XYLT2: variants seen among roughly 807,000 people sequenced by gnomAD.
The protein encoded by XYLT2 is xylosyltransferase 2, also known as UDP-D-xylose:proteoglycan core protein beta-D-xylosyltransferase.
XYLT2 carries 37 observed loss-of-function variants against 82.6 expected under a neutral mutation model. The observed-to-expected ratio is 0.45, with a 90% CI of 0.34 to 0.59. The LOEUF is 0.59. Among genes scored for constraint, XYLT2 ranks in the 20% least tolerant of loss-of-function variants. XYLT2 has a pLI of 0.01. For missense variants in XYLT2, 934 were observed against 1,181.3 expected (o/e 0.79, Z 3.07); for synonymous variants, 474 against 499.0 (o/e 0.95, Z 0.67).
intron 7 of XYLT2, 62 bp from the exon 8 acceptor site, chr17:50,356,449 A>G: frequency 6.3e-7 from 1 of 1,587,166 alleles, no homozygotes; most frequent in Non-Finnish European, 8.6e-7. Flanking sequence ...CTGAGGGGCC[A>G]GCCCCACCAT....
chr17:50,354,418 C>A lies in XYLT2; in HGVS notation c.639C>A (p.Ser213Arg), dbSNP rs1335304584. The change falls in exon 3 of 11, where the codon AGC (serine) becomes AGA (arginine). Residue 213 changes from serine (S) to arginine (R), a missense_variant. By Grantham distance (110) the Ser-to-Arg change is moderately radical. Coordinates refer to ENST00000017003, the MANE Select transcript of XYLT2 (RefSeq NM_022167.4). ...GTCCTCTGCTCTCAGGGAAGATGAG[C>A]CCCGGCATCCAGTGGGATGAGAGCC... ...PRHCQLTGKM[S>R]PGIQWDESQA... 1 of 1,607,408 alleles carries A rather than the reference C, an allele frequency of 6.2e-7. No homozygotes were observed. The highest frequency in any genetic ancestry group is 8.5e-7 in the Non-Finnish European group (1 of 1,177,204).
chr17:50,352,895 G>A (rs767728693), intron 1 of XYLT2, among the ~76,000 whole-genome samples: 5 of 152,130 alleles, frequency 3.3e-5, no homozygotes, highest in Non-Finnish European at 4.4e-5. Flanking sequence ...CCCAGGAGCC[G>A]GCCAGGACTT....
At position 50,358,404 on chromosome 17, in the gene XYLT2, A is replaced by G. The variant is rs1230845149; in HGVS notation, c.2139A>G (p.Gln713=). The change falls in exon 10 of 11, where the codon CAA becomes CAG. Residue 713 remains glutamine, a synonymous_variant. Coordinates refer to ENST00000017003, the MANE Select transcript of XYLT2 (RefSeq NM_022167.4). ...TAGATACGGAGACTGAGGTCACGCA[A>G]TACAAGCCCCCACTGAGCCGGCCCC... ...ITVDTETEVT[Q]YKPPLSRPLR... is the part of the protein sequence containing the mutation. 1 of 1,614,116 alleles carries G rather than the reference A, an allele frequency of 6.2e-7. No homozygotes were observed. The highest frequency in any genetic ancestry group is 8.5e-7 in the Non-Finnish European group (1 of 1,180,036).
intron 10 of XYLT2, chr17:50,359,082 C>T (rs1912684850): frequency 6.5e-6 from 1 of 154,552 alleles, no homozygotes; most frequent in Non-Finnish European, 1.4e-5. Context: ...TCCATGGCCT[C>T]TCAGTGCAAC....
chr17:50,360,947 T>C lies in XYLT2; in HGVS notation c.*656T>C. 1 of 985,898 alleles carries C rather than the reference T, an allele frequency of 1.0e-6. No individual in the cohort carries two copies. Among genetic ancestry groups the C allele is most frequent in the Non-Finnish European group, 1.2e-6 (1 of 830,008 alleles). The allele number at this position is 985,898 out of a possible 1,614,324, so 61.1% of individuals were successfully genotyped here. A position where few individuals can be genotyped will look rare whatever the true frequency, so the allele number is the denominator to read the frequency against. On this transcript the variant is annotated 3_prime_UTR_variant, in exon 11 of 11. Coordinates refer to ENST00000017003, the MANE Select transcript of XYLT2 (RefSeq NM_022167.4). ...GGGGCGGCTCCAGGGCTTTCCAGCA[T>C]ACCCTGCCCCTGGATGGGAAAGGCA... is the stretch of plus-strand genomic sequence containing the variant.
At chr17:50,350,934 G>A (rs576866950) in intron 1 of XYLT2, among the ~76,000 whole-genome samples, 10 of 152,116 alleles carry the variant, frequency 6.6e-5, no homozygotes, top group South Asian at 2.1e-4. Flanking sequence ...GGAGTGCCAG[G>A]GGGGATGAGG....
chr17:50,356,355 G>A (rs1340399962), intron 7 of XYLT2, 94 bp downstream of exon 7: 2 of 1,558,306 alleles, frequency 1.3e-6, no homozygotes, highest in Non-Finnish European at 1.7e-6. Flanking sequence ...AGAATCTGGG[G>A]GGCCACGGCC....
Position 50,360,389 on chromosome 17 carries a change from C to A in XYLT2, c.*98C>A. The A allele has an allele frequency of 6.9e-7, 1 of 1,442,384 alleles. No individual in the cohort carries two copies. Among genetic ancestry groups the A allele is most frequent in the South Asian group, 1.5e-5 (1 of 67,808 alleles). 89.3% of individuals were successfully genotyped at this position (1,442,384 alleles called of 1,614,324 possible). ...CACAGGCAAGAACCAGAGGCCCAGGCTGCACACCCATTTCAGCCATCAAGA... is the reference window on the plus strand; with the variant it reads ...CACAGGCAAGAACCAGAGGCCCAGGATGCACACCCATTTCAGCCATCAAGA... On this transcript the variant is annotated 3_prime_UTR_variant, in exon 11 of 11. Coordinates refer to ENST00000017003, the MANE Select transcript of XYLT2 (RefSeq NM_022167.4).
rs1912459114 is a variant in XYLT2, at chr17:50,355,033, C to T, written c.984C>T (p.Leu328=). The change falls in exon 4 of 11, where the codon CTC becomes CTT. Residue 328 remains leucine (L), a synonymous_variant. Coordinates refer to ENST00000017003, the MANE Select transcript of XYLT2 (RefSeq NM_022167.4). ...PGWAWDFFIN[L]SATDYPTRTN... ...GGGCCTGGGACTTCTTCATCAACCTCAGTGCCACTGACTATCCAACCAGGT... is the reference window on the plus strand; with the variant it reads ...GGGCCTGGGACTTCTTCATCAACCTTAGTGCCACTGACTATCCAACCAGGT... 1.9e-6 allele frequency: 3 copies of T among 1,538,614 alleles called. No individual in the cohort carries two copies. The South Asian group carries it at 3.8e-5, about 20-fold the overall frequency.
intron 7 of XYLT2, 124 bp from the exon 8 acceptor site, chr17:50,356,387 G>A: frequency 6.5e-7 from 1 of 1,547,500 alleles, no homozygotes; most frequent in Non-Finnish European, 8.8e-7. Flanking sequence ...TCAGGGGTCT[G>A]GGGCTACAAC....
At chr17:50,359,925 G>GTC in intron 10 of XYLT2, 44 bp from the exon 11 acceptor site, 1 of 1,498,484 alleles carries the variant, frequency 6.7e-7, no homozygotes, top group Non-Finnish European at 9.0e-7. Context: ...CCTCCACGGA[G>GTC]TCTGTTGCAG....
Position 50,346,404 on chromosome 17 carries a change from C to A in XYLT2, c.135+129C>A. Reference sequence around the variant, plus strand: ...TGCGTGCGTGCGGGGCGCCGGCGGTCGCCCAGAGCGGAGCATCCGGCCCCC... The same window carrying A: ...TGCGTGCGTGCGGGGCGCCGGCGGTAGCCCAGAGCGGAGCATCCGGCCCCC... On this transcript the variant is annotated intron_variant, in intron 1 of 10. Transcript: ENST00000017003. The surrounding 1 kb of genome is among the most constrained non-coding windows in gnomAD (Gnocchi z 5.1). 2.1e-6 allele frequency: 2 copies of A among 962,112 alleles called. No homozygotes were observed. Among genetic ancestry groups the A allele is most frequent in the South Asian group, 9.3e-5 (2 of 21,468 alleles). 59.6% of individuals were successfully genotyped at this position (962,112 alleles called of 1,614,324 possible).
Position 50,346,935 on chromosome 17 carries a change from G to A in XYLT2, c.135+660G>A, listed in dbSNP as rs1912067347. On this transcript the variant is annotated intron_variant, in intron 1 of 10. Transcript: ENST00000017003. The surrounding 1 kb of genome is among the most constrained non-coding windows in gnomAD (Gnocchi z 5.1). ...GGCAGGGAGAGGAGGAACTGAGCTG[G>A]TGAGTTGGCCTCAGGACCTTAGGGA... 1.0e-6 allele frequency: 1 copy of A among 985,382 alleles called. No homozygotes were observed. The highest frequency in any genetic ancestry group is 1.2e-6 in the Non-Finnish European group (1 of 829,910). The allele number at this position is 985,382 out of a possible 1,614,324, so 61.0% of individuals were successfully genotyped here. A position where few individuals can be genotyped will look rare whatever the true frequency, so the allele number is the denominator to read the frequency against.
rs368387862 is a variant in XYLT2 at position 50,357,170 on chromosome 17, C to T, written c.1859C>T (p.Thr620Met). ...VQPSAQGPAETLEMWLMPQGS... is the reference protein window; with the variant it reads ...VQPSAQGPAEMLEMWLMPQGS... The stretch of plus-strand genomic sequence containing the variant: ...CCCTCAGCCCAGGGGCCGGCAGAGA[C>T]GCTTGAGATGTGGCTGATGCCCCAA... The change falls in exon 9 of 11, where the codon ACG (threonine) becomes ATG (methionine). Residue 620 changes from threonine to methionine, a missense_variant. Transcript: ENST00000017003. The T allele has an allele frequency of 1.9e-4, 305 of 1,612,804 alleles. No homozygotes were observed. The highest frequency in any genetic ancestry group is 2.2e-4 in the Non-Finnish European group (263 of 1,179,890).
chr17:50,356,228 C>T lies in XYLT2; in HGVS notation c.1449C>T (p.Asn483=), dbSNP rs1340952379. 10 of 1,614,064 alleles carry T rather than the reference C, an allele frequency of 6.2e-6. No individual in the cohort carries two copies. Among genetic ancestry groups the T allele is most frequent in the African/African-American group, 2.7e-5 (2 of 74,948 alleles). The change falls in exon 7 of 11, where the codon AAC becomes AAT. Residue 483 remains asparagine, a synonymous_variant. Coordinates refer to ENST00000017003, the MANE Select transcript of XYLT2 (RefSeq NM_022167.4). ...HIVDWCGCSP[N]DFKPQDFLRL... ...TGGACTGGTGTGGCTGCTCCCCCAA[C>T]GACTTCAAGCCACAGGACTTCCTCC...
rs1912051730 is a variant in XYLT2, at chr17:50,346,556, A to G, written c.135+281A>G. On this transcript the variant is annotated intron_variant, in intron 1 of 10. Transcript: ENST00000017003. The surrounding 1 kb of genome is among the most constrained non-coding windows in gnomAD (Gnocchi z 5.1). ...GTCATGCTAGGGTGGTCTCCGGCCA[A>G]GGGAGCGATGAAGGTCAGGCGCGGC... 4 of 962,650 alleles carry G rather than the reference A, an allele frequency of 4.2e-6. No homozygotes were observed. The South Asian group carries it at 1.4e-4, about 35-fold the overall frequency. The allele number at this position is 962,650 out of a possible 1,614,324, so 59.6% of individuals were successfully genotyped here. A position where few individuals can be genotyped will look rare whatever the true frequency, so the allele number is the denominator to read the frequency against.
At chr17:50,353,366 G>T (rs1418790810) in intron 1 of XYLT2, among the ~76,000 whole-genome samples, 2 of 152,176 alleles carry the variant, frequency 1.3e-5, no homozygotes, top group African/African-American at 4.8e-5. Context: ...AGAAAACCAA[G>T]CACACTGCCA....
intron 8 of XYLT2, 126 bp from the exon 9 acceptor site, chr17:50,356,931 C>T: frequency 6.9e-7 from 1 of 1,458,604 alleles, no homozygotes; most frequent in Admixed American, 2.3e-5. Flanking sequence ...CATGCAGGTG[C>T]TGTGGGGGTG....
intron 1 of XYLT2, among the ~76,000 whole-genome samples, chr17:50,350,921 C>T (rs1471823438): frequency 2.0e-5 from 3 of 151,830 alleles, no homozygotes; most frequent in East Asian, 3.9e-4. Context: ...AGGGTTGGAG[C>T]CAGGAGTGCC....
Sources: allele counts gnomAD v4.1 joint callset (sites outside exome capture counted in the v4.1 genomes callset), GRCh38; gene constraint gnomAD v4.1.1; non-coding constraint Gnocchi (gnomAD v3.1); transcripts MANE v1.5; gene names NCBI Gene and HGNC (gene_info 2026-07-23, HGNC 2026-07-21).